BANK1: variants seen among roughly 807,000 people sequenced by gnomAD.
The protein encoded by BANK1 is B-cell scaffold protein with ankyrin repeats.
Under a neutral mutation model 94.5 loss-of-function variants are expected in BANK1, and 95 were observed. The observed-to-expected ratio is 1.00, with a 90% CI of 0.85 to 1.19. The LOEUF (loss-of-function observed/expected upper bound fraction) is 1.19. Among genes scored for constraint, BANK1 ranks in the 50% most tolerant of loss-of-function variants. The probability of loss-of-function intolerance (pLI) is 0.00; values close to 1 mark genes in which losing one functional copy is unlikely to be tolerated. For missense variants in BANK1, 987 were observed against 932.2 expected (o/e 1.06, Z -0.77); for synonymous variants, 334 against 308.4 (o/e 1.08, Z -0.87).
chr4:101,996,524 G>A (rs1725886223), intron 7 of BANK1, among the ~76,000 whole-genome samples: 1 of 152,132 alleles, frequency 6.6e-6, no homozygotes, highest in African/African-American at 2.4e-5. Flanking sequence ...TGGGCAGTAT[G>A]ACCATTTTCA....
intron 7 of BANK1, among the ~76,000 whole-genome samples, chr4:101,933,274 C>T (rs1042681440): frequency 2.1e-4 from 30 of 142,086 alleles, no homozygotes; most frequent in Middle Eastern, 3.6e-3. Flanking sequence ...TGACAGGTAG[C>T]GTATTCAATG....
intron 3 of BANK1, 48 bp from the exon 4 acceptor site, chr4:101,862,478 A>T: frequency 6.6e-7 from 1 of 1,511,026 alleles, no homozygotes; most frequent in Non-Finnish European, 9.0e-7. Flanking sequence ...TCTTTGGTTA[A>T]TGTAAACTTT....
At chr4:101,809,121 G>A (rs1725657856) in intron 1 of BANK1, among the ~76,000 whole-genome samples, 4 of 152,050 alleles carry the variant, frequency 2.6e-5, no homozygotes, top group Non-Finnish European at 5.9e-5. Context: ...TCAATGAGTG[G>A]GTAAAGAAAA....
intron 7 of BANK1, among the ~76,000 whole-genome samples, chr4:101,957,862 T>TTTTA (rs1724416134): frequency 6.8e-6 from 1 of 146,960 alleles, no homozygotes; most frequent in African/African-American, 2.5e-5. Context: ...TTTTTTTTTT[T>TTTTA]GAGACGGAGT....
At chr4:101,849,510 C>A (rs1209164651) in intron 2 of BANK1, among the ~76,000 whole-genome samples, 1 of 152,062 alleles carries the variant, frequency 6.6e-6, no homozygotes, top group Non-Finnish European at 1.5e-5. Flanking sequence ...CACACGCACA[C>A]ACACACATAT....
At chr4:101,832,420 T>C (rs1052837906) in intron 2 of BANK1, among the ~76,000 whole-genome samples, 1 of 152,204 alleles carries the variant, frequency 6.6e-6, no homozygotes, top group Non-Finnish European at 1.5e-5. Flanking sequence ...GACTCCTTTT[T>C]TATGTATTTT....
chr4:101,908,377 C>T (rs895129802), intron 6 of BANK1, among the ~76,000 whole-genome samples: 5 of 152,152 alleles, frequency 3.3e-5, no homozygotes, highest in Non-Finnish European at 5.9e-5. Flanking sequence ...AACTGGATCC[C>T]TTCCTTATAC....
intron 1 of BANK1, among the ~76,000 whole-genome samples, chr4:101,795,434 G>A (rs1326896002): frequency 1.3e-5 from 2 of 151,766 alleles, no homozygotes; most frequent in African/African-American, 2.4e-5. Flanking sequence ...TTTTTTCTAG[G>A]ATGGGGAGTG....
At chr4:101,892,107 G>C (rs192971707) in intron 5 of BANK1, among the ~76,000 whole-genome samples, 140 of 151,346 alleles carry the variant, frequency 9.3e-4, no homozygotes, top group African/African-American at 3.3e-3. Flanking sequence ...TTTGTATTTA[G>C]GGAGAGGAAA....
intron 13 of BANK1, among the ~76,000 whole-genome samples, chr4:102,066,208 C>G (rs1241676770): frequency 6.6e-6 from 1 of 150,376 alleles, no homozygotes; most frequent in Non-Finnish European, 1.5e-5. Context: ...AAAAAAAATT[C>G]AATAATTTAT....
At chr4:101,904,038 T>C (rs1722366625) in intron 6 of BANK1, among the ~76,000 whole-genome samples, 1 of 152,214 alleles carries the variant, frequency 6.6e-6, no homozygotes, top group East Asian at 1.9e-4. Flanking sequence ...CCCACAAACG[T>C]CTGGAAAATT....
intron 10 of BANK1, among the ~76,000 whole-genome samples, chr4:102,039,997 G>C (rs1302959049): frequency 6.6e-6 from 1 of 152,050 alleles, no homozygotes; most frequent in Admixed American, 6.6e-5. Context: ...GAATGTTGTT[G>C]TTAATTGCAC....
intron 2 of BANK1, among the ~76,000 whole-genome samples, chr4:101,838,585 T>C (rs1231885570): frequency 6.6e-6 from 1 of 152,198 alleles, no homozygotes; most frequent in Non-Finnish European, 1.5e-5. Context: ...GCAGAAACTA[T>C]GTACAGAGCC....
intron 9 of BANK1, among the ~76,000 whole-genome samples, chr4:102,029,303 C>G (rs1449465040): frequency 6.6e-6 from 1 of 151,918 alleles, no homozygotes; most frequent in African/African-American, 2.4e-5. Context: ...ACTAATGGTG[C>G]CTTTGGCTAT....
At chr4:102,008,444 C>T (rs1012467052) in intron 7 of BANK1, among the ~76,000 whole-genome samples, 1 of 152,192 alleles carries the variant, frequency 6.6e-6, no homozygotes, top group Admixed American at 6.5e-5. Context: ...CTGCTGCTAG[C>T]TGCATAGCAC....
At position 101,891,461 on chromosome 4, in the gene BANK1, G is replaced by A. The variant is rs1162706015; in HGVS notation, c.904-3844G>A. On this transcript the variant is annotated intron_variant, in intron 5 of 16. Coordinates refer to ENST00000322953, the MANE Select transcript of BANK1 (RefSeq NM_017935.5). The stretch of plus-strand genomic sequence containing the variant: ...GAAGTTTTATGATTAGTCTTGGCAT[G>A]GAATTGGAGGGGTTTATCCTGTTTT... Among the ~76,000 whole-genome samples, 4 of 152,088 alleles carry A rather than the reference G, an allele frequency of 2.6e-5. No homozygotes were observed. In the East Asian group the frequency reaches 5.8e-4, roughly 22 times the overall value.
At chr4:102,011,629 T>C (rs912893768) in intron 7 of BANK1, among the ~76,000 whole-genome samples, 3 of 152,214 alleles carry the variant, frequency 2.0e-5, no homozygotes. Context: ...ATTAGTTTTA[T>C]TGATTCCCTT....
chr4:101,844,975 G>A (rs1232107611), intron 2 of BANK1, among the ~76,000 whole-genome samples: 1 of 152,112 alleles, frequency 6.6e-6, no homozygotes, highest in Non-Finnish European at 1.5e-5. Context: ...TCTCAAAGGT[G>A]AGTAGACTCA....
chr4:101,991,681 C>T (rs1441038793), intron 7 of BANK1, among the ~76,000 whole-genome samples: 1 of 152,172 alleles, frequency 6.6e-6, no homozygotes, highest in Non-Finnish European at 1.5e-5. Context: ...TCCAAGCATT[C>T]CACATGTGCA....
Sources: allele counts gnomAD v4.1 joint callset (sites outside exome capture counted in the v4.1 genomes callset), GRCh38; gene constraint gnomAD v4.1.1; transcripts MANE v1.5; gene names NCBI Gene and HGNC (gene_info 2026-07-23, HGNC 2026-07-21).